RNF146: variants seen among roughly 807,000 people sequenced by gnomAD.
RNF146 encodes the protein E3 ubiquitin-protein ligase RNF146.
In RNF146, 11 loss-of-function variants were observed where a neutral mutation model predicts 29.7. The observed-to-expected ratio is 0.37, with a 90% confidence interval of 0.23 to 0.61. The LOEUF is 0.61. Among genes scored for constraint, RNF146 ranks in the 20% least tolerant of loss-of-function variants. The pLI is 0.66. For missense variants in RNF146, 342 were observed against 438.9 expected (o/e 0.78, Z 1.97); for synonymous variants, 150 against 159.7 (o/e 0.94, Z 0.46).
intron 2 of RNF146, among the ~76,000 whole-genome samples, chr6:127,283,817 AT>A (rs1779194277): frequency 6.6e-6 from 1 of 151,772 alleles, no homozygotes. Context: ...AATAATGACC[AT>A]TTAGCTGTCT....
rs753156485 is a variant in RNF146, at chr6:127,287,051, C to T, written c.438C>T (p.Val146=). The T allele has an allele frequency of 3.2e-5, 52 of 1,613,138 alleles. No homozygotes were observed. Among genetic ancestry groups the T allele is most frequent in the South Asian group, 7.7e-5 (7 of 91,062 alleles). Residue 146 remains valine (V), a synonymous_variant, in exon 3 of 3, where the codon GTC becomes GTT. Transcript: ENST00000368314. ...TGTTAATTGCTGGCTTTCTGTATGTCGCTGATCTTGAAAACATGGTTCAAT... is the reference window on the plus strand; with the variant it reads ...TGTTAATTGCTGGCTTTCTGTATGTTGCTGATCTTGAAAACATGGTTCAAT... ...TEMLIAGFLY[V]ADLENMVQYR... is the part of the protein sequence containing the mutation.
In RNF146 at chr6:127,287,202, T is replaced by G. The variant is rs1166371195; in HGVS notation, c.589T>G (p.Ser197Ala). Residue 197 changes from serine to alanine, a missense_variant, in exon 3 of 3, where the codon TCT becomes GCT. Ser to Ala is a moderately conservative substitution (Grantham distance 99). Transcript: ENST00000368314. ...TACCGTAAACCTAGCAAGAGAGAGC[T>G]CTGCTGACGGAGCGGACAGTGTATC... ...ANTVNLARES[S>A]ADGADSVSAQ... 7 of 1,613,262 alleles carry G rather than the reference T, an allele frequency of 4.3e-6. No individual in the cohort carries two copies. The highest frequency in any genetic ancestry group is 5.9e-6 in the Non-Finnish European group (7 of 1,179,616).
chr6:127,275,465 C>G (rs569532441), intron 1 of RNF146, among the ~76,000 whole-genome samples: 1 of 152,122 alleles, frequency 6.6e-6, no homozygotes, highest in East Asian at 1.9e-4. Context: ...ACAATAGTTA[C>G]TTTTAGGAGT....
At chr6:127,275,982 T>C (rs1778153398) in intron 1 of RNF146, among the ~76,000 whole-genome samples, 1 of 152,094 alleles carries the variant, frequency 6.6e-6, no homozygotes. Context: ...GACCCAATAT[T>C]GTGCTTCACA....
At position 127,271,155 on chromosome 6, in the gene RNF146, A is replaced by ATT. The variant is rs547186189; in HGVS notation, c.-109+4231_-109+4232dup. Among the ~76,000 whole-genome samples the ATT allele has an allele frequency of 3.0e-3, 449 of 152,126 alleles. 3 individuals are homozygous for ATT. Among genetic ancestry groups the ATT allele is most frequent in the Non-Finnish European group, 5.3e-3 (358 of 67,974 alleles). ...AATAATGTTTTCTTTTTTTTAGTTT[A>ATT]TTGCAAGAAAACAATATATAATACA... On this transcript the variant is annotated intron_variant, in intron 1 of 2. Coordinates refer to ENST00000368314, the MANE Select transcript of RNF146 (RefSeq NM_001242850.2).
chr6:127,286,490 C>A lies in RNF146; in HGVS notation c.3-126C>A. The A allele has an allele frequency of 1.1e-6, 1 of 916,112 alleles. No homozygotes were observed. Among genetic ancestry groups the A allele is most frequent in the Non-Finnish European group, 1.6e-6 (1 of 623,970 alleles). The allele number at this position is 916,112 out of a possible 1,614,324, so 56.7% of individuals were successfully genotyped here. A position where few individuals can be genotyped will look rare whatever the true frequency, so the allele number is the denominator to read the frequency against. On this transcript the variant is annotated intron_variant, in intron 2 of 2. Transcript: ENST00000368314. The surrounding 1 kb of genome is among the most constrained non-coding windows in gnomAD (Gnocchi z 4.6). Reference sequence around the variant, plus strand: ...TTTTCCTCTACTTTCATCTTCATATCCCCATTGTCTAGTATGTGGCTTGCA... The same window carrying A: ...TTTTCCTCTACTTTCATCTTCATATACCCATTGTCTAGTATGTGGCTTGCA...
At chr6:127,285,949 A>C in intron 2 of RNF146, 1 of 883,058 alleles carries the variant, frequency 1.1e-6, no homozygotes, top group Non-Finnish European at 1.5e-6. Context: ...GTGTTTAGTA[A>C]ATGTTTATCT....
In RNF146 at chr6:127,287,611, G is replaced by T. The variant is rs143742264; in HGVS notation, c.998G>T (p.Arg333Leu). Reference sequence around the variant, plus strand: ...CGATCAGATCGATCGGGAACTGATCGATCAGTAGCAGGGGGTGGAACAGTG... The same window carrying T: ...CGATCAGATCGATCGGGAACTGATCTATCAGTAGCAGGGGGTGGAACAGTG... Reference protein sequence around the residue: ...PDRSDRSGTDRSVAGGGTVSV... With the variant: ...PDRSDRSGTDLSVAGGGTVSV... The change falls in exon 3 of 3, where the codon CGA becomes CTA. Residue 333 changes from arginine (R) to leucine (L), a missense_variant. Around this residue, in one of 6 missense-constraint regions of RNF146, gnomAD observed 196 missense variants for 208.9 expected, o/e 0.94. Transcript: ENST00000368314. 2 of 1,612,700 alleles carry T rather than the reference G, an allele frequency of 1.2e-6. No individual in the cohort carries two copies. The highest frequency in any genetic ancestry group is 1.3e-5 in the African/African-American group (1 of 74,754).
intron 1 of RNF146, among the ~76,000 whole-genome samples, chr6:127,273,285 TACA>T (rs1777743852): frequency 6.6e-6 from 1 of 152,228 alleles, no homozygotes; most frequent in Non-Finnish European, 1.5e-5. Context: ...CAGTATGTAC[TACA>T]ATTAATTTTA....
intron 1 of RNF146, among the ~76,000 whole-genome samples, chr6:127,267,958 A>C (rs564874903): frequency 7.9e-5 from 12 of 152,376 alleles, no homozygotes; most frequent in Non-Finnish European, 1.8e-4. Context: ...TAAAACCTAC[A>C]GGACTGTAAG....
intron 1 of RNF146, among the ~76,000 whole-genome samples, chr6:127,278,487 T>C (rs992495795): frequency 1.3e-5 from 2 of 152,064 alleles, no homozygotes; most frequent in Non-Finnish European, 2.9e-5. Context: ...TAGTATGTTT[T>C]CAAGGTTCAT....
intron 1 of RNF146, among the ~76,000 whole-genome samples, chr6:127,272,550 T>A (rs1190972744): frequency 2.6e-5 from 4 of 152,216 alleles, no homozygotes; most frequent in African/African-American, 9.7e-5. Context: ...AGGATTCCTG[T>A]TTACATCTGT....
chr6:127,278,798 C>G (rs796310834), intron 1 of RNF146, among the ~76,000 whole-genome samples: 46 of 152,088 alleles, frequency 3.0e-4, no homozygotes, highest in African/African-American at 1.0e-3. Flanking sequence ...TTTCTACATC[C>G]TCACCAACAC....
chr6:127,270,962 T>C (rs2114415612), intron 1 of RNF146, among the ~76,000 whole-genome samples: 1 of 151,882 alleles, frequency 6.6e-6, no homozygotes, highest in East Asian at 1.9e-4. Flanking sequence ...ACTACAGGTG[T>C]GCGCCACCAT....
At chr6:127,272,896 G>A (rs1777696037) in intron 1 of RNF146, among the ~76,000 whole-genome samples, 1 of 152,264 alleles carries the variant, frequency 6.6e-6, no homozygotes, top group Non-Finnish European at 1.5e-5. Context: ...CTTACAATAA[G>A]CTAAAGGAAA....
rs1779506323 is a variant in RNF146, at chr6:127,286,331, TGC to T, written c.3-284_3-283del. The T allele has an allele frequency of 6.6e-6, 4 of 607,114 alleles. No homozygotes were observed. In the East Asian group the frequency reaches 1.3e-4, roughly 20 times the overall value. The allele number at this position is 607,114 out of a possible 1,614,324, so 37.6% of individuals were successfully genotyped here. On this transcript the variant is annotated intron_variant, in intron 2 of 2. Transcript: ENST00000368314. The surrounding 1 kb of genome is among the most constrained non-coding windows in gnomAD (Gnocchi z 4.6). Reference sequence around the variant, plus strand: ...AAGGTATCCTTTTCCCCTCACTGGATGCAGCTTTTCATTATATAGTTCTTCAG... The same window carrying T: ...AAGGTATCCTTTTCCCCTCACTGGATAGCTTTTCATTATATAGTTCTTCAG...
intron 1 of RNF146, among the ~76,000 whole-genome samples, chr6:127,278,433 A>G (rs745555503): frequency 6.7e-6 from 1 of 150,088 alleles, no homozygotes; most frequent in Non-Finnish European, 1.5e-5. Flanking sequence ...CCTATTCTTG[A>G]TATTTCATGT....
At chr6:127,268,629 G>T (rs1236549982) in intron 1 of RNF146, among the ~76,000 whole-genome samples, 1 of 152,166 alleles carries the variant, frequency 6.6e-6, no homozygotes, top group African/African-American at 2.4e-5. Flanking sequence ...AAATGAGCCA[G>T]TGTATCATGT....
At chr6:127,284,693 G>A (rs1779296953) in intron 2 of RNF146, among the ~76,000 whole-genome samples, 1 of 151,834 alleles carries the variant, frequency 6.6e-6, no homozygotes, top group Admixed American at 6.6e-5. Context: ...CAAGTTACAA[G>A]ATCTTTGAAG....
Sources: allele counts gnomAD v4.1 joint callset (sites outside exome capture counted in the v4.1 genomes callset), GRCh38; gene constraint gnomAD v4.1.1; regional missense constraint gnomAD v4.1.1; non-coding constraint Gnocchi (gnomAD v3.1); transcripts MANE v1.5; gene names NCBI Gene and HGNC (gene_info 2026-07-23, HGNC 2026-07-21).